Variants in CPEB1 observed in about 807,000 individuals in gnomAD.
CPEB1 encodes cytoplasmic polyadenylation element binding protein 1.
Under a neutral mutation model 65.8 loss-of-function variants are expected in CPEB1, and 7 were observed. The ratio of observed to expected loss-of-function variants is 0.11; its 90% CI spans 0.06 to 0.20. CPEB1 has a LOEUF of 0.20. Among genes scored for constraint, CPEB1 ranks in the 10% least tolerant of loss-of-function variants. CPEB1 has a pLI of 1.00. For synonymous variants in CPEB1, 262 were observed against 260.0 expected (o/e 1.01, Z -0.08); for missense variants, 551 against 712.2 (o/e 0.77, Z 2.58).
chr15:82,577,270 G>C (rs1173617553), intron 3 of CPEB1, among the ~76,000 whole-genome samples: 2 of 152,100 alleles, frequency 1.3e-5, no homozygotes, highest in Non-Finnish European at 2.9e-5. Context: ...TGTTGGCCAG[G>C]CTGGTCTCGA....
Position 82,552,470 on chromosome 15 carries a change from G to T in CPEB1, c.1281+10C>A. The stretch of plus-strand genomic sequence containing the variant: ...ACCCTCGATCCAGAAAGGACATCAC[G>T]CTAACTCACCTCCTTGCAGCGCATC... On this transcript the variant is annotated intron_variant, in intron 9 of 12. Coordinates refer to ENST00000684509, the MANE Select transcript of CPEB1 (RefSeq NM_001365242.1). 6.4e-7 allele frequency: 1 copy of T among 1,553,840 alleles called. No homozygotes were observed. The highest frequency in any genetic ancestry group is 8.7e-7 in the Non-Finnish European group (1 of 1,154,952).
At chr15:82,615,910 T>C (rs1343480012) in intron 3 of CPEB1, among the ~76,000 whole-genome samples, 1 of 152,038 alleles carries the variant, frequency 6.6e-6, no homozygotes, top group Non-Finnish European at 1.5e-5. Context: ...ATACTGTTTA[T>C]AATAGCAAAA....
chr15:82,604,542 A>T (rs2043396016), intron 3 of CPEB1, among the ~76,000 whole-genome samples: 1 of 152,100 alleles, frequency 6.6e-6, no homozygotes, highest in East Asian at 1.9e-4. Context: ...AAAGTATGAG[A>T]ATAATGTCTC....
At chr15:82,635,959 T>C (rs116421665) in intron 1 of CPEB1, among the ~76,000 whole-genome samples, 302 of 152,194 alleles carry the variant, frequency 2.0e-3, no homozygotes, top group African/African-American at 6.4e-3. Context: ...TCACCAGGAA[T>C]AAACGAGATA....
rs760623975 is a variant in CPEB1, at chr15:82,553,421, G to GA, written c.1144+45dup. On this transcript the variant is annotated intron_variant, in intron 8 of 12. Coordinates refer to ENST00000684509, the MANE Select transcript of CPEB1 (RefSeq NM_001365242.1). ...AGGTGCAGTTATGTACTAGGGAAGG[G>GA]AAAAAAAAGCTCCTACCATGTCTTT... The GA allele has an allele frequency of 2.6e-5, 39 of 1,474,092 alleles. 1 individual carries two copies. Among genetic ancestry groups the GA allele is most frequent in the East Asian group, 1.1e-4 (5 of 44,198 alleles). 91.3% of individuals were successfully genotyped at this position (1,474,092 alleles called of 1,614,324 possible). A position where few individuals can be genotyped will look rare whatever the true frequency, so the allele number is the denominator to read the frequency against.
chr15:82,600,025 T>G (rs1230674657), intron 3 of CPEB1, among the ~76,000 whole-genome samples: 1 of 152,008 alleles, frequency 6.6e-6, no homozygotes, highest in Non-Finnish European at 1.5e-5. Flanking sequence ...ACAGGAAATA[T>G]ATGAGGAGAT....
upstream of CPEB1, chr15:82,648,228 C>T (rs890474749): frequency 3.9e-6 from 1 of 253,548 alleles, no homozygotes; most frequent in Non-Finnish European, 7.5e-6. Flanking sequence ...ACCTAAGTGA[C>T]CCTTGCCGAG....
At chr15:82,640,701 T>C (rs759090549) in intron 1 of CPEB1, 1 of 152,114 alleles carries the variant, frequency 6.6e-6, no homozygotes, top group Admixed American at 6.5e-5. Flanking sequence ...GAAGTATAAG[T>C]CTTCAGAACA....
chr15:82,648,298 C>A (rs763746041), upstream of CPEB1: 2 of 165,782 alleles, frequency 1.2e-5, no homozygotes, highest in African/African-American at 4.8e-5. Flanking sequence ...ATTTACAAGC[C>A]CCTGCGAGCG....
At chr15:82,590,567 G>C (rs1435843266) in intron 3 of CPEB1, among the ~76,000 whole-genome samples, 2 of 152,090 alleles carry the variant, frequency 1.3e-5, no homozygotes, top group Non-Finnish European at 2.9e-5. Flanking sequence ...GTAAACTCGT[G>C]AATTTGTTGT....
At chr15:82,630,799 A>C (rs1269903428) in intron 1 of CPEB1, among the ~76,000 whole-genome samples, 1 of 152,200 alleles carries the variant, frequency 6.6e-6, no homozygotes, top group Non-Finnish European at 1.5e-5. Flanking sequence ...AAAGTGGTCC[A>C]GTGTGGTACA....
At chr15:82,552,650 T>C (rs545530370) in intron 8 of CPEB1, 34 bp from the exon 9 acceptor site, 272 of 1,612,000 alleles carry the variant, frequency 1.7e-4, no homozygotes, top group Non-Finnish European at 2.2e-4. Context: ...CGCATTAATA[T>C]CCCTTAGGTG....
chr15:82,608,227 C>G (rs890738409), intron 3 of CPEB1, among the ~76,000 whole-genome samples: 8 of 152,096 alleles, frequency 5.3e-5, no homozygotes, highest in African/African-American at 1.9e-4. Flanking sequence ...TAAACTGTTG[C>G]CTAATGCCTC....
intron 3 of CPEB1, among the ~76,000 whole-genome samples, chr15:82,623,651 G>A (rs1288327976): frequency 6.6e-6 from 1 of 152,112 alleles, no homozygotes; most frequent in Non-Finnish European, 1.5e-5. Context: ...ACTCCAGCCT[G>A]GACAACAGAG....
chr15:82,552,702 A>T (rs2036485566), intron 8 of CPEB1, 86 bp from the exon 9 acceptor site: 27 of 1,417,352 alleles, frequency 1.9e-5, no homozygotes, highest in Non-Finnish European at 2.5e-5. Flanking sequence ...CGTTTCTTCC[A>T]AGAAAGAAGG....
intron 4 of CPEB1, among the ~76,000 whole-genome samples, chr15:82,561,540 T>C (rs902307469): frequency 7.2e-5 from 11 of 152,158 alleles, no homozygotes; most frequent in African/African-American, 2.7e-4. Flanking sequence ...ACACCAAAGA[T>C]GGCAAGTATG....
intron 1 of CPEB1, among the ~76,000 whole-genome samples, chr15:82,630,384 T>G (rs999208374): frequency 1.3e-5 from 2 of 152,064 alleles, no homozygotes; most frequent in African/African-American, 4.8e-5. Context: ...GGAAAAGAAC[T>G]TTTGGCAGGC....
intron 3 of CPEB1, chr15:82,573,243 T>C: frequency 7.2e-7 from 1 of 1,379,624 alleles, no homozygotes; most frequent in Non-Finnish European, 9.6e-7. Flanking sequence ...GATTTTTTTT[T>C]TTTTTTAAAG....
chr15:82,632,132 C>G (rs934763021), intron 1 of CPEB1, among the ~76,000 whole-genome samples: 2 of 151,820 alleles, frequency 1.3e-5, no homozygotes, highest in African/African-American at 2.4e-5. Flanking sequence ...CATACGCCCG[C>G]CACCACGCCC....
Sources: gnomAD v4.1 joint callset for allele counts (sites outside exome capture counted in the v4.1 genomes callset) on GRCh38, gnomAD v4.1.1 for gene constraint, MANE v1.5 for transcripts, NCBI Gene and HGNC (gene_info 2026-07-23, HGNC 2026-07-21) for gene names.